WDFY3: variants seen among roughly 807,000 people sequenced by gnomAD.
WDFY3 encodes the protein WD repeat and FYVE domain-containing protein 3.
WDFY3 carries 66 observed loss-of-function variants against 409.6 expected under a neutral mutation model. That is an observed-to-expected ratio of 0.16 (90% CI 0.13 to 0.20). WDFY3 has a LOEUF of 0.20. WDFY3 is among the 10% of genes least tolerant of loss of function. WDFY3 has a pLI of 1.00. For synonymous variants in WDFY3, 1,521 were observed against 1,537.1 expected, an observed-to-expected ratio of 0.99 and a Z score of 0.25; for missense variants, 3,031 against 4,298.1, an observed-to-expected ratio of 0.71 and a Z score of 8.24.
Position 84,780,274 on chromosome 4 carries a change from G to C in WDFY3, c.4199C>G (p.Pro1400Arg). The C allele has an allele frequency of 6.2e-7, 1 of 1,610,558 alleles. No individual in the cohort carries two copies. Among genetic ancestry groups the C allele is most frequent in the Non-Finnish European group, 8.5e-7 (1 of 1,178,984 alleles). Reference sequence around the variant, plus strand: ...AACGTACTGCAAAGTAGTGGCAACAGGCTTAGGGACAAATGTTCTTACTCC... The same window carrying C: ...AACGTACTGCAAAGTAGTGGCAACACGCTTAGGGACAAATGTTCTTACTCC... ...YLGVRTFVPK[P>R]VATTLQYVGG... The change falls in exon 26 of 68, where the codon CCT (proline) becomes CGT (arginine). Residue 1400 changes from proline to arginine, a missense_variant. This residue lies in a region of WDFY3 where 1,322 missense variants were observed against 1,697.9 expected (regional missense o/e 0.78). Transcript: ENST00000295888.
intron 26 of WDFY3, among the ~76,000 whole-genome samples, chr4:84,779,043 G>C (rs1218431448): frequency 2.0e-5 from 3 of 151,912 alleles, no homozygotes; most frequent in African/African-American, 7.3e-5. Context: ...TACACTTTTT[G>C]TGTTATAAAG....
intron 2 of WDFY3, among the ~76,000 whole-genome samples, chr4:84,918,992 T>C (rs183770819): frequency 1.2e-4 from 18 of 151,998 alleles, no homozygotes; most frequent in African/African-American, 4.1e-4. Flanking sequence ...TAAGAAGGAC[T>C]AAGGCTCCTA....
chr4:84,810,363 A>G lies in WDFY3; in HGVS notation c.1888-19T>C. ...GGAGGGCCTACAGGAGACAAAAGAA[A>G]AAACAAATGAAAATACACATAATTC... is the stretch of plus-strand genomic sequence containing the variant. On this transcript the variant is annotated intron_variant, in intron 13 of 67. Transcript: ENST00000295888. 1 of 1,497,968 alleles carries G rather than the reference A, an allele frequency of 6.7e-7. No individual in the cohort carries two copies. The highest frequency in any genetic ancestry group is 1.3e-5 in the South Asian group (1 of 75,018). 92.8% of individuals were successfully genotyped at this position (1,497,968 alleles called of 1,614,324 possible).
At chr4:84,767,969 G>A (rs1489339114) in intron 30 of WDFY3, among the ~76,000 whole-genome samples, 1 of 152,194 alleles carries the variant, frequency 6.6e-6, no homozygotes, top group East Asian at 1.9e-4. Flanking sequence ...TATAGTCCCA[G>A]CTACTCAGAA....
chr4:84,835,359 C>T (rs1037474155), intron 7 of WDFY3, among the ~76,000 whole-genome samples: 15 of 152,214 alleles, frequency 9.9e-5, no homozygotes, highest in Admixed American at 2.0e-4. Context: ...AATTCCTATG[C>T]GATTTACTCC....
chr4:84,863,900 A>ATG (rs1761012064), intron 3 of WDFY3, among the ~76,000 whole-genome samples: 1 of 152,008 alleles, frequency 6.6e-6, no homozygotes, highest in Non-Finnish European at 1.5e-5. Flanking sequence ...ATTGGTCTAT[A>ATG]TGTCTGTTTT....
chr4:84,820,996 C>T, intron 11 of WDFY3, 88 bp downstream of exon 11: 1 of 1,273,238 alleles, frequency 7.9e-7, no homozygotes, highest in South Asian at 1.6e-5. Context: ...TCATTGAAAT[C>T]AATAACCAAA....
intron 56 of WDFY3, among the ~76,000 whole-genome samples, chr4:84,697,845 G>C (rs937033042): frequency 1.1e-4 from 16 of 152,160 alleles, no homozygotes; most frequent in Admixed American, 7.9e-4. Flanking sequence ...CCAATTCCAA[G>C]TGGAAGCGAA....
chr4:84,960,395 C>A (rs532931959), intron 1 of WDFY3, among the ~76,000 whole-genome samples: 39 of 152,130 alleles, frequency 2.6e-4, no homozygotes, highest in Non-Finnish European at 4.4e-5. Flanking sequence ...GTATGTGATA[C>A]CCTATTCAAC....
intron 36 of WDFY3, among the ~76,000 whole-genome samples, chr4:84,744,770 G>C (rs1739089766): frequency 6.9e-6 from 1 of 144,482 alleles, no homozygotes. Flanking sequence ...GGAGAATGGC[G>C]TGAACCCGGG....
rs1725280135 is a variant in WDFY3 at position 84,670,392 on chromosome 4, G to C, written c.*2476C>G. 1 of 152,676 alleles carries C rather than the reference G, an allele frequency of 6.5e-6. No individual in the cohort carries two copies. Among genetic ancestry groups the C allele is most frequent in the Non-Finnish European group, 1.5e-5 (1 of 68,050 alleles). 9.5% of individuals were successfully genotyped at this position (152,676 alleles called of 1,614,324 possible). ...AGAAATAATTAGTTTATGTATGTGA[G>C]TGTACTTGTATGTGTGAGTGATTCT... On this transcript the variant is annotated 3_prime_UTR_variant, in exon 68 of 68. Coordinates refer to ENST00000295888, the MANE Select transcript of WDFY3 (RefSeq NM_014991.6).
At chr4:84,747,235 C>CTTA (rs1560652594) in intron 36 of WDFY3, among the ~76,000 whole-genome samples, 1 of 152,200 alleles carries the variant, frequency 6.6e-6, no homozygotes, top group African/African-American at 2.4e-5. Context: ...CCAGACAGCC[C>CTTA]TTACGCATCT....
intron 13 of WDFY3, among the ~76,000 whole-genome samples, chr4:84,814,623 C>G (rs928949237): frequency 2.6e-5 from 4 of 152,196 alleles, no homozygotes; most frequent in Middle Eastern, 6.8e-3. Flanking sequence ...AGCAGAGTCT[C>G]GGTTATCAGA....
chr4:84,760,148 T>A (rs1742276483), intron 32 of WDFY3, among the ~76,000 whole-genome samples: 1 of 151,902 alleles, frequency 6.6e-6, no homozygotes, highest in Non-Finnish European at 1.5e-5. Flanking sequence ...ATCCCAGGGA[T>A]GAAGCCCACC....
At chr4:84,728,927 T>C (rs1410388695) in intron 44 of WDFY3, among the ~76,000 whole-genome samples, 3 of 152,184 alleles carry the variant, frequency 2.0e-5, no homozygotes, top group African/African-American at 7.2e-5. Flanking sequence ...TATAGTCCTT[T>C]TACTTCAAAT....
chr4:84,785,937 G>C lies in WDFY3; in HGVS notation c.4062+42C>G, dbSNP rs767418260. On this transcript the variant is annotated intron_variant, in intron 24 of 67. Transcript: ENST00000295888. ...TATGAGACTCTGAGACATGTTCCCA[G>C]TGAGAATCAGCCATAGTACACCAAG... 2.5e-6 allele frequency: 4 copies of C among 1,604,634 alleles called. No homozygotes were observed. The Admixed American group carries it at 6.9e-5, about 28-fold the overall frequency.
At chr4:84,700,660 A>C (rs182629192) in intron 56 of WDFY3, among the ~76,000 whole-genome samples, 53 of 152,364 alleles carry the variant, frequency 3.5e-4, no homozygotes, top group African/African-American at 1.3e-3. Flanking sequence ...ACACCTTTGC[A>C]ACATGGATTA....
At chr4:84,736,123 T>G (rs565040597) in intron 42 of WDFY3, 47 bp downstream of exon 42, 13 of 1,557,664 alleles carry the variant, frequency 8.3e-6, no homozygotes, top group Middle Eastern at 3.5e-4. Context: ...TTAAGTATAT[T>G]ATACAAAATA....
intron 3 of WDFY3, among the ~76,000 whole-genome samples, chr4:84,875,691 C>T (rs2150352694): frequency 6.6e-6 from 1 of 152,242 alleles, no homozygotes; most frequent in South Asian, 2.1e-4. Flanking sequence ...ATTCTATAAG[C>T]ATTTTTATAT....
Sources: allele counts gnomAD v4.1 joint callset (sites outside exome capture counted in the v4.1 genomes callset), GRCh38; gene constraint gnomAD v4.1.1; regional missense constraint gnomAD v4.1.1; transcripts MANE v1.5; gene names NCBI Gene and HGNC (gene_info 2026-07-23, HGNC 2026-07-21).